The following FABP12 variants were observed in gnomAD, a reference collection of about 807,000 sequenced individuals.
FABP12 encodes fatty acid binding protein 12.
FABP12 carries 19 observed loss-of-function variants against 13.7 expected under a neutral mutation model. That is an observed-to-expected ratio of 1.39 (90% confidence interval 0.97 to 2.04). The LOEUF is 2.04. FABP12 is among the 30% of genes most tolerant of loss of function. FABP12 has a pLI of 0.00. For missense variants in FABP12, 182 were observed against 164.2 expected, an observed-to-expected ratio of 1.11 and a Z score of -0.59; for synonymous variants, 61 against 57.0, an observed-to-expected ratio of 1.07 and a Z score of -0.32.
chr8:81,548,514 G>A (rs1368230074), intron 1 of FABP12, among the ~76,000 whole-genome samples: 2 of 152,112 alleles, frequency 1.3e-5, no homozygotes, highest in Non-Finnish European at 2.9e-5. Flanking sequence ...GAATGTCGAG[G>A]GGCCACTTGA....
At chr8:81,565,367 C>T (rs1209701791) in intron 1 of FABP12, among the ~76,000 whole-genome samples, 1 of 151,966 alleles carries the variant, frequency 6.6e-6, no homozygotes, top group African/African-American at 2.4e-5. Flanking sequence ...ACTTTTCATC[C>T]AATGGTTGCA....
chr8:81,590,039 A>G (rs977825211), intron 1 of FABP12, among the ~76,000 whole-genome samples: 1 of 152,210 alleles, frequency 6.6e-6, no homozygotes, highest in Non-Finnish European at 1.5e-5. Flanking sequence ...CATTTAAGCA[A>G]TAGATTGTCC....
At chr8:81,556,037 G>A (rs1809609146) in intron 1 of FABP12, among the ~76,000 whole-genome samples, 1 of 152,108 alleles carries the variant, frequency 6.6e-6, no homozygotes, top group Non-Finnish European at 1.5e-5. Flanking sequence ...TTAATGAGCA[G>A]AACAAAATGT....
intron 1 of FABP12, among the ~76,000 whole-genome samples, chr8:81,560,467 A>T (rs1350664598): frequency 6.6e-6 from 1 of 152,164 alleles, no homozygotes; most frequent in Non-Finnish European, 1.5e-5. Context: ...TTGTGAACAA[A>T]TAGCCTTGTT....
intron 1 of FABP12, among the ~76,000 whole-genome samples, chr8:81,573,686 A>AGTTTT (rs369546812): frequency 2.0e-5 from 3 of 151,432 alleles, no homozygotes; most frequent in African/African-American, 7.3e-5. Flanking sequence ...TATATTCCCA[A>AGTTTT]GTTTTGTTTT....
intron 1 of FABP12, among the ~76,000 whole-genome samples, chr8:81,565,349 T>C (rs1809799764): frequency 6.6e-6 from 1 of 152,078 alleles, no homozygotes. Flanking sequence ...CTAATAGGTA[T>C]TTGCAGGACT....
intron 1 of FABP12, among the ~76,000 whole-genome samples, chr8:81,571,159 T>C (rs1328447360): frequency 6.6e-6 from 1 of 152,174 alleles, no homozygotes; most frequent in African/African-American, 2.4e-5. Flanking sequence ...GTGATAGTAC[T>C]TGGGCTCGGC....
At chr8:81,571,068 C>T (rs960856482) in intron 1 of FABP12, among the ~76,000 whole-genome samples, 3 of 148,660 alleles carry the variant, frequency 2.0e-5, no homozygotes, top group Non-Finnish European at 4.5e-5. Context: ...AGTCCCCCCA[C>T]CCCACTTACA....
intron 1 of FABP12, among the ~76,000 whole-genome samples, chr8:81,570,015 C>T (rs556311622): frequency 1.0e-3 from 154 of 152,350 alleles, no homozygotes; most frequent in African/African-American, 3.7e-3. Context: ...TGGGGTCTGG[C>T]CACTGTGCAG....
At chr8:81,563,755 G>T (rs371630083) in intron 1 of FABP12, among the ~76,000 whole-genome samples, 2 of 151,920 alleles carry the variant, frequency 1.3e-5, no homozygotes, top group Non-Finnish European at 2.9e-5. Flanking sequence ...AAAGAAAGAA[G>T]AATAATAAAG....
chr8:81,529,386 ATC>A lies in FABP12; in HGVS notation c.246+50_246+51del, dbSNP rs1224704535. On this transcript the variant is annotated intron_variant, in intron 3 of 4. Coordinates refer to ENST00000360464, the Ensembl canonical transcript of FABP12. The stretch of plus-strand genomic sequence containing the variant: ...GAATTGCTTACTTACCGAGGATGAT[ATC>A]TGACTAACATTCTTTTGAAATGTGT... 25 of 1,568,036 alleles carry A rather than the reference ATC, an allele frequency of 1.6e-5. No homozygotes were observed. In the Admixed American group the frequency reaches 4.0e-4, roughly 25 times the overall value.
rs770211701 is a variant in FABP12, at chr8:81,527,014, A to G, written c.348+6T>C. The G allele has an allele frequency of 2.3e-5, 36 of 1,576,334 alleles. No individual in the cohort carries two copies. The Admixed American group carries it at 6.2e-4, about 27-fold the overall frequency. ...GTGGGAAGAAAGCGAGGATGGGCTA[A>G]CTCACCACCACCATTTTCCCATCCA... On this transcript the variant is annotated splice_donor_region_variant and intron_variant, in intron 4 of 4. Coordinates refer to ENST00000360464, the Ensembl canonical transcript of FABP12.
intron 1 of FABP12, among the ~76,000 whole-genome samples, chr8:81,567,105 A>G (rs939780127): frequency 3.3e-5 from 5 of 152,214 alleles, no homozygotes; most frequent in Admixed American, 6.5e-5. Context: ...CAAAGAAGTA[A>G]AAGATCTTCA....
chr8:81,548,415 A>T (rs183382778), intron 1 of FABP12, among the ~76,000 whole-genome samples: 3 of 152,334 alleles, frequency 2.0e-5, no homozygotes, highest in Admixed American at 2.0e-4. Context: ...AAATCGTGTG[A>T]GATGTATTCA....
intron 1 of FABP12, among the ~76,000 whole-genome samples, chr8:81,572,864 T>C (rs1809960908): frequency 6.6e-6 from 1 of 152,230 alleles, no homozygotes; most frequent in Non-Finnish European, 1.5e-5. Flanking sequence ...CTTTGTCAGA[T>C]ATATAGATTC....
chr8:81,565,386 A>G (rs376359803), intron 1 of FABP12, among the ~76,000 whole-genome samples: 19 of 152,184 alleles, frequency 1.2e-4, no homozygotes, highest in African/African-American at 4.3e-4. Context: ...CAGAATATAC[A>G]TTCTTCCCCA....
At chr8:81,577,712 G>A (rs1056668992) in intron 1 of FABP12, among the ~76,000 whole-genome samples, 16 of 152,308 alleles carry the variant, frequency 1.1e-4, no homozygotes, top group Admixed American at 8.5e-4. Flanking sequence ...AGTGAGCCGA[G>A]ATTCCGCCAT....
intron 2 of FABP12, among the ~76,000 whole-genome samples, chr8:81,539,255 A>G (rs890778790): frequency 7.2e-5 from 11 of 152,058 alleles, no homozygotes; most frequent in Admixed American, 5.2e-4. Flanking sequence ...GTTAAAAATG[A>G]TAATACTTTT....
At chr8:81,536,253 T>G (rs1809219129), upstream of FABP12, among the ~76,000 whole-genome samples, 1 of 152,174 alleles carries the variant, frequency 6.6e-6, no homozygotes, top group Non-Finnish European at 1.5e-5. Context: ...AACATAATTA[T>G]CTGTTGCTCT....
Sources: gnomAD v4.1 joint callset for allele counts (sites outside exome capture counted in the v4.1 genomes callset) on GRCh38, gnomAD v4.1.1 for gene constraint, MANE v1.5 for transcripts, NCBI Gene and HGNC (gene_info 2026-07-23, HGNC 2026-07-21) for gene names.